The following FAM13A variants were observed in gnomAD, a reference collection of about 807,000 sequenced individuals.
The protein encoded by FAM13A is family with sequence similarity 13 member A, also known as protein FAM13A.
In FAM13A, 76 loss-of-function variants were observed where a neutral mutation model predicts 129.6. That is an observed-to-expected ratio of 0.59 (90% CI 0.49 to 0.71). The LOEUF (loss-of-function observed/expected upper bound fraction) is 0.71, where lower values mean the gene tolerates loss of function less well. Among genes scored for constraint, FAM13A ranks in the 30% least tolerant of loss-of-function variants. The pLI, the probability that FAM13A is intolerant of heterozygous loss-of-function variation, is 0.00. For missense variants in FAM13A, 1,108 were observed against 1,249.3 expected (o/e 0.89, Z 1.70); for synonymous variants, 443 against 449.9 (o/e 0.98, Z 0.20).
chr4:88,773,546 C>G (rs1578587788), intron 11 of FAM13A, among the ~76,000 whole-genome samples: 1 of 152,296 alleles, frequency 6.6e-6, no homozygotes, highest in East Asian at 1.9e-4. Context: ...TGGAGATCGG[C>G]AGCAGCTCCT....
intron 7 of FAM13A, among the ~76,000 whole-genome samples, chr4:88,818,183 G>A (rs1731163977): frequency 6.6e-6 from 1 of 151,720 alleles, no homozygotes; most frequent in Non-Finnish European, 1.5e-5. Context: ...TGTATTTTTA[G>A]TAGAGACGGA....
chr4:88,773,267 C>T (rs766029262), intron 11 of FAM13A, among the ~76,000 whole-genome samples: 2 of 152,174 alleles, frequency 1.3e-5, no homozygotes, highest in Non-Finnish European at 2.9e-5. Context: ...GTATTCTCTC[C>T]AACTGCTACC....
At chr4:89,013,011 A>G (rs1286828290) in intron 3 of FAM13A, among the ~76,000 whole-genome samples, 1 of 152,206 alleles carries the variant, frequency 6.6e-6, no homozygotes, top group East Asian at 1.9e-4. Flanking sequence ...ATATTGATGT[A>G]TAGTAGAAAG....
chr4:88,905,511 A>G (rs1462077118), intron 6 of FAM13A, among the ~76,000 whole-genome samples: 1 of 152,142 alleles, frequency 6.6e-6, no homozygotes, highest in Non-Finnish European at 1.5e-5. Flanking sequence ...CCAGGTATTA[A>G]GCCCAGTACC....
chr4:88,916,169 A>G (rs553447796), intron 5 of FAM13A, among the ~76,000 whole-genome samples: 1 of 152,312 alleles, frequency 6.6e-6, no homozygotes, highest in African/African-American at 2.4e-5. Flanking sequence ...TGGACTTCTC[A>G]GCCTTCAAAA....
At chr4:88,795,544 T>A (rs1725987383) in intron 8 of FAM13A, among the ~76,000 whole-genome samples, 1 of 151,832 alleles carries the variant, frequency 6.6e-6, no homozygotes, top group African/African-American at 2.4e-5. Flanking sequence ...AATGGATAAT[T>A]CACTTATATA....
chr4:88,728,491 C>T lies in FAM13A; in HGVS notation c.*42G>A, dbSNP rs1421988282. ...CTGCACTTTCTCTGGGGACAGTAAACTCTCACCGCAGCTGCCAGCCCCCTG... is the reference window on the plus strand; with the variant it reads ...CTGCACTTTCTCTGGGGACAGTAAATTCTCACCGCAGCTGCCAGCCCCCTG... On this transcript the variant is annotated 3_prime_UTR_variant, in exon 24 of 24. Transcript: ENST00000264344. The T allele has an allele frequency of 6.2e-7, 1 of 1,612,484 alleles. No individual in the cohort carries two copies. Among genetic ancestry groups the T allele is most frequent in the Non-Finnish European group, 8.5e-7 (1 of 1,179,616 alleles).
At chr4:88,914,867 TAG>T (rs1191276343) in intron 5 of FAM13A, among the ~76,000 whole-genome samples, 2 of 152,196 alleles carry the variant, frequency 1.3e-5, no homozygotes, top group African/African-American at 4.8e-5. Flanking sequence ...TTCCAACCAT[TAG>T]AGAATTTTGG....
At chr4:88,746,851 T>C in intron 19 of FAM13A, 81 bp downstream of exon 19, 2 of 917,284 alleles carry the variant, frequency 2.2e-6, no homozygotes, top group South Asian at 2.8e-5. Flanking sequence ...GGGAACCCCA[T>C]TTGTAAAATA....
At chr4:89,016,566 G>A (rs779735408) in intron 3 of FAM13A, among the ~76,000 whole-genome samples, 3 of 152,108 alleles carry the variant, frequency 2.0e-5, no homozygotes, top group Non-Finnish European at 2.9e-5. Flanking sequence ...CATGGTAAAT[G>A]CCCTATACAG....
intron 4 of FAM13A, among the ~76,000 whole-genome samples, chr4:88,978,020 A>C (rs533699455): frequency 9.2e-5 from 14 of 152,346 alleles, no homozygotes; most frequent in African/African-American, 3.4e-4. Flanking sequence ...CTAAGACTGT[A>C]TTATATAAAA....
At chr4:88,945,988 G>GTATATATA (rs1553901158) in intron 4 of FAM13A, among the ~76,000 whole-genome samples, 35 of 13,660 alleles carry the variant, frequency 2.6e-3, no homozygotes, top group African/African-American at 8.7e-3. Flanking sequence ...GTGTGTGTGT[G>GTATATATA]TGTATATATA....
At chr4:88,811,824 C>T (rs1268859797) in intron 7 of FAM13A, among the ~76,000 whole-genome samples, 1 of 152,006 alleles carries the variant, frequency 6.6e-6, no homozygotes, top group Non-Finnish European at 1.5e-5. Context: ...GACTTTTATC[C>T]CTGCTATAGT....
chr4:89,037,974 T>C (rs1769610694), intron 1 of FAM13A, among the ~76,000 whole-genome samples: 1 of 152,190 alleles, frequency 6.6e-6, no homozygotes. Flanking sequence ...GCACCCAGTC[T>C]CAGGTAGTTC....
At chr4:89,040,719 G>A (rs1001504935) in intron 1 of FAM13A, among the ~76,000 whole-genome samples, 11 of 152,206 alleles carry the variant, frequency 7.2e-5, no homozygotes, top group African/African-American at 2.7e-4. Context: ...GACCCATGCG[G>A]TCTGTGATGA....
chr4:88,816,267 A>T (rs996042807), intron 7 of FAM13A, among the ~76,000 whole-genome samples: 1 of 152,190 alleles, frequency 6.6e-6, no homozygotes, highest in African/African-American at 2.4e-5. Flanking sequence ...CCGCAATGTA[A>T]ACAGAAGTAG....
chr4:88,747,824 T>C lies in FAM13A; in HGVS notation c.2189A>G (p.Asp730Gly), dbSNP rs1405500572. 6.2e-7 allele frequency: 1 copy of C among 1,613,522 alleles called. No individual in the cohort carries two copies. The highest frequency in any genetic ancestry group is 8.5e-7 in the Non-Finnish European group (1 of 1,179,544). The change falls in exon 18 of 24, where the codon GAC becomes GGC. Residue 730 changes from aspartate to glycine, a missense_variant. By Grantham distance (94) the Asp-to-Gly change is moderately conservative. This residue lies in a region of FAM13A where 529 missense variants were observed against 621.2 expected (regional missense o/e 0.85). Transcript: ENST00000264344. ...TCGCTGCCGCATCCTGGGAGTTAGG[T>C]CCTCTTCAGATATCTTTAGTTTTGA... ...KESKLKISEE[D>G]LTPRMRQRSN...
intron 23 of FAM13A, 198 bp from the exon 24 acceptor site, chr4:88,728,857 T>G (rs1736939950): frequency 5.6e-6 from 3 of 532,886 alleles, no homozygotes; most frequent in Non-Finnish European, 1.0e-5. Flanking sequence ...GAAGGCAACA[T>G]GCAACTGAGT....
At chr4:88,936,037 T>C (rs554621172) in intron 5 of FAM13A, among the ~76,000 whole-genome samples, 3 of 152,210 alleles carry the variant, frequency 2.0e-5, no homozygotes, top group Admixed American at 6.5e-5. Flanking sequence ...GAAACTTACA[T>C]TAAAAGAGCA....
Sources: allele counts gnomAD v4.1 joint callset (sites outside exome capture counted in the v4.1 genomes callset), GRCh38; gene constraint gnomAD v4.1.1; regional missense constraint gnomAD v4.1.1; transcripts MANE v1.5; gene names NCBI Gene and HGNC (gene_info 2026-07-23, HGNC 2026-07-21).